SORBS2: variants seen among roughly 807,000 people sequenced by gnomAD.
The protein encoded by SORBS2 is sorbin and SH3 domain-containing protein 2.
A neutral mutation model predicts 97.7 loss-of-function variants in SORBS2; 46 were observed. The observed-to-expected ratio is 0.47, with a 90% CI of 0.37 to 0.60. SORBS2 has a LOEUF of 0.60. SORBS2 is among the 20% of genes least tolerant of loss of function. The pLI is 0.00. For missense variants in SORBS2, 1,316 were observed against 1,282.3 expected (o/e 1.03, Z -0.40); for synonymous variants, 476 against 473.4 (o/e 1.01, Z -0.07).
chr4:185,662,467 G>T lies in SORBS2; in HGVS notation c.-45-225C>A, dbSNP rs2097536329. On this transcript the variant is annotated intron_variant, in intron 4 of 20. Coordinates refer to the SORBS2 transcript ENST00000284776. ...TTGTGTATCTGAGGGTCCAGGGAGT[G>T]GTTAGGAAGAATGAAAGTGGCTGAC... 3.9e-5 allele frequency among the ~76,000 whole-genome samples: 6 copies of T among 152,186 alleles called. No homozygotes were observed. The South Asian group carries it at 1.2e-3, about 32-fold the overall frequency.
At chr4:185,739,213 T>C (rs1388450820) in intron 2 of SORBS2, among the ~76,000 whole-genome samples, 1 of 152,244 alleles carries the variant, frequency 6.6e-6, no homozygotes, top group Non-Finnish European at 1.5e-5. Flanking sequence ...AGTTAAAATG[T>C]TAATTACATT....
intron 2 of SORBS2, among the ~76,000 whole-genome samples, chr4:185,739,201 C>T (rs984651847): frequency 5.9e-5 from 9 of 152,052 alleles, no homozygotes; most frequent in African/African-American, 1.9e-4. Context: ...TTCTTTTTTA[C>T]CAGTTAAAAT....
chr4:185,879,156 T>G (rs1338794790), intron 1 of SORBS2, among the ~76,000 whole-genome samples: 2 of 120,262 alleles, frequency 1.7e-5, no homozygotes, highest in Non-Finnish European at 3.5e-5. Flanking sequence ...TATCTCCTAA[T>G]GCTATCCCTC....
At chr4:185,894,576 C>T (rs966145702) in intron 1 of SORBS2, among the ~76,000 whole-genome samples, 6 of 152,164 alleles carry the variant, frequency 3.9e-5, no homozygotes, top group African/African-American at 9.6e-5. Flanking sequence ...CTTGACCAGC[C>T]GTGTCACAAG....
At chr4:185,734,312 C>T (rs767686012) in intron 2 of SORBS2, among the ~76,000 whole-genome samples, 158 bp from the exon 3 acceptor site, 1 of 152,092 alleles carries the variant, frequency 6.6e-6, no homozygotes, top group African/African-American at 2.4e-5. Flanking sequence ...GAACAAACAC[C>T]GCGGAAAGGA....
intron 2 of SORBS2, among the ~76,000 whole-genome samples, chr4:185,686,952 G>A (rs1045822901): frequency 1.7e-4 from 26 of 152,184 alleles, no homozygotes; most frequent in African/African-American, 5.3e-4. Context: ...CATAATAGAC[G>A]CGCTATATTC....
At chr4:185,846,212 C>T (rs1197706396) in intron 1 of SORBS2, among the ~76,000 whole-genome samples, 4 of 152,176 alleles carry the variant, frequency 2.6e-5, no homozygotes, top group Non-Finnish European at 5.9e-5. Flanking sequence ...GAATGTTACT[C>T]AGCAACAAAA....
intron 1 of SORBS2, chr4:185,932,979 T>A (rs2099267187): frequency 6.6e-6 from 1 of 152,210 alleles, no homozygotes; most frequent in African/African-American, 2.4e-5. Context: ...TCAAAATGCT[T>A]CTCCTAAAAA....
chr4:185,717,492 C>T (rs2098475603), intron 2 of SORBS2, among the ~76,000 whole-genome samples: 1 of 152,164 alleles, frequency 6.6e-6, no homozygotes, highest in Non-Finnish European at 1.5e-5. Context: ...CAAATTGAGT[C>T]GTATCTTTCA....
chr4:185,753,187 T>C (rs72703811), intron 2 of SORBS2, among the ~76,000 whole-genome samples: 3 of 152,342 alleles, frequency 2.0e-5, no homozygotes, highest in Non-Finnish European at 4.4e-5. Context: ...TAATGATGAA[T>C]TTCAATTCTG....
intron 12 of SORBS2, among the ~76,000 whole-genome samples, chr4:185,597,827 T>C (rs960470194): frequency 2.0e-5 from 3 of 152,218 alleles, no homozygotes; most frequent in African/African-American, 7.2e-5. Flanking sequence ...GTTTCTGCTT[T>C]ATCTGCCCCT....
At chr4:185,695,659 G>A (rs148155720) in intron 2 of SORBS2, among the ~76,000 whole-genome samples, 11 of 152,272 alleles carry the variant, frequency 7.2e-5, no homozygotes, top group Non-Finnish European at 1.6e-4. Context: ...AGTGATCAAT[G>A]TATTAATGCA....
At chr4:185,833,666 T>C (rs997209861) in intron 1 of SORBS2, among the ~76,000 whole-genome samples, 1 of 152,228 alleles carries the variant, frequency 6.6e-6, no homozygotes, top group African/African-American at 2.4e-5. Flanking sequence ...ATGGGAATTA[T>C]AGTATCAAAT....
chr4:185,663,377 G>A (rs1023594019), intron 4 of SORBS2, among the ~76,000 whole-genome samples: 2 of 152,172 alleles, frequency 1.3e-5, no homozygotes, highest in African/African-American at 4.8e-5. Flanking sequence ...CCTAGAATAA[G>A]TCTAATTTCA....
intron 2 of SORBS2, among the ~76,000 whole-genome samples, chr4:185,688,194 C>T (rs2098009317): frequency 6.6e-6 from 1 of 152,108 alleles, no homozygotes; most frequent in South Asian, 2.1e-4. Flanking sequence ...TGTTTAGACA[C>T]TTTAGTATGA....
At chr4:185,885,859 A>G (rs1472122496) in intron 1 of SORBS2, among the ~76,000 whole-genome samples, 1 of 152,196 alleles carries the variant, frequency 6.6e-6, no homozygotes, top group Non-Finnish European at 1.5e-5. Flanking sequence ...ATTCGGTCTT[A>G]TTCATTTAAG....
At chr4:185,948,501 T>C (rs2099275613) in intron 1 of SORBS2, among the ~76,000 whole-genome samples, 1 of 145,800 alleles carries the variant, frequency 6.9e-6, no homozygotes, top group African/African-American at 2.5e-5. Flanking sequence ...AGGAGAGTAA[T>C]GAATTTCAAT....
intron 1 of SORBS2, among the ~76,000 whole-genome samples, chr4:185,820,938 G>T (rs1016609295): frequency 1.3e-5 from 2 of 152,228 alleles, no homozygotes; most frequent in African/African-American, 2.4e-5. Flanking sequence ...ATGGGTCCCA[G>T]GTGAATGAAT....
At chr4:185,834,989 G>C (rs2099207228) in intron 1 of SORBS2, among the ~76,000 whole-genome samples, 1 of 152,294 alleles carries the variant, frequency 6.6e-6, no homozygotes, top group Non-Finnish European at 1.5e-5. Context: ...ACCAGAGGTG[G>C]ACTTCCCCTT....
Sources: gnomAD v4.1 joint callset for allele counts (sites outside exome capture counted in the v4.1 genomes callset) on GRCh38, gnomAD v4.1.1 for gene constraint, MANE v1.5 for transcripts, NCBI Gene and HGNC (gene_info 2026-07-23, HGNC 2026-07-21) for gene names.